UBE2E2: variants seen among roughly 807,000 people sequenced by gnomAD.
UBE2E2 encodes ubiquitin-conjugating enzyme E2 E2.
A neutral mutation model predicts 24.7 loss-of-function variants in UBE2E2; 6 were observed. The ratio of observed to expected loss-of-function variants is 0.24; its 90% confidence interval spans 0.13 to 0.48. UBE2E2 has a LOEUF of 0.48. Among genes scored for constraint, UBE2E2 ranks in the 20% least tolerant of loss-of-function variants. The probability of loss-of-function intolerance (pLI) is 0.99; values close to 1 mark genes in which losing one functional copy is unlikely to be tolerated. For synonymous variants in UBE2E2, 104 were observed against 83.6 expected (o/e 1.24, Z -1.33); for missense variants, 169 against 245.0 (o/e 0.69, Z 2.07).
At chr3:23,229,140 T>A (rs1018836160) in intron 3 of UBE2E2, among the ~76,000 whole-genome samples, 1 of 152,208 alleles carries the variant, frequency 6.6e-6, no homozygotes, top group African/African-American at 2.4e-5. Flanking sequence ...TCAGTATATC[T>A]GTGAATTAGT....
chr3:23,462,716 C>T (rs143765147), intron 3 of UBE2E2, among the ~76,000 whole-genome samples: 3 of 152,202 alleles, frequency 2.0e-5, no homozygotes, highest in East Asian at 1.9e-4. Flanking sequence ...GATGCCTTCC[C>T]GTCTCATCTT....
chr3:23,494,014 A>G (rs1699553208), intron 3 of UBE2E2, among the ~76,000 whole-genome samples: 1 of 152,202 alleles, frequency 6.6e-6, no homozygotes, highest in Admixed American at 6.5e-5. Flanking sequence ...TAAGACATAG[A>G]AAAATTACAC....
At chr3:23,328,810 C>T (rs564285955) in intron 3 of UBE2E2, among the ~76,000 whole-genome samples, 68 of 151,992 alleles carry the variant, frequency 4.5e-4, no homozygotes, top group African/African-American at 1.4e-3. Flanking sequence ...TACAGGTGCC[C>T]GCCACCATGC....
At chr3:23,523,323 G>A (rs1027450943) in intron 4 of UBE2E2, among the ~76,000 whole-genome samples, 8 of 152,166 alleles carry the variant, frequency 5.3e-5, no homozygotes, top group Non-Finnish European at 7.4e-5. Flanking sequence ...TTTGCTTCCC[G>A]TGATGGGGAA....
chr3:23,225,542 C>A (rs956808811), intron 3 of UBE2E2, among the ~76,000 whole-genome samples: 1 of 151,660 alleles, frequency 6.6e-6, no homozygotes, highest in Admixed American at 6.6e-5. Context: ...CAGCACCATT[C>A]GTTGAAAAGA....
At chr3:23,434,411 T>C (rs1044681417) in intron 3 of UBE2E2, among the ~76,000 whole-genome samples, 1 of 152,100 alleles carries the variant, frequency 6.6e-6, no homozygotes, top group African/African-American at 2.4e-5. Flanking sequence ...AATGACACAA[T>C]TGTGCATTAG....
intron 3 of UBE2E2, among the ~76,000 whole-genome samples, chr3:23,374,344 A>G (rs1226876485): frequency 1.3e-5 from 2 of 152,172 alleles, no homozygotes; most frequent in African/African-American, 2.4e-5. Flanking sequence ...CTTTTTTAAA[A>G]GACAGATTAT....
chr3:23,562,510 G>A (rs1377374036), intron 5 of UBE2E2, among the ~76,000 whole-genome samples: 1 of 152,120 alleles, frequency 6.6e-6, no homozygotes, highest in African/African-American at 2.4e-5. Flanking sequence ...TGTTCATCAG[G>A]GATATTGGTC....
intron 3 of UBE2E2, among the ~76,000 whole-genome samples, chr3:23,422,660 C>T (rs1697830210): frequency 6.6e-6 from 1 of 152,178 alleles, no homozygotes; most frequent in South Asian, 2.1e-4. Flanking sequence ...AGGTGGAAGA[C>T]AGATTTGACT....
chr3:23,579,993 T>C (rs140531582), intron 5 of UBE2E2, among the ~76,000 whole-genome samples: 26 of 152,298 alleles, frequency 1.7e-4, no homozygotes, highest in Non-Finnish European at 3.4e-4. Flanking sequence ...ATTAGAGTAG[T>C]ACCTGTAAAT....
rs182818372 is a variant in UBE2E2, at chr3:23,359,055, A to G, written c.228-140553A>G. Among the ~76,000 whole-genome samples, 944 of 152,344 alleles carry G rather than the reference A, an allele frequency of 6.2e-3. 13 individuals carry two copies. The highest frequency in any genetic ancestry group is 0.021 in the African/African-American group (870 of 41,576). ...ACAAGGGGATGATCATGAAGCAGCC[A>G]TGATCTGATCTCATTGCCGTTTTTG... On this transcript the variant is annotated intron_variant, in intron 3 of 5. Transcript: ENST00000396703.
chr3:23,333,214 T>C (rs1053280617), intron 3 of UBE2E2, among the ~76,000 whole-genome samples: 14 of 152,218 alleles, frequency 9.2e-5, no homozygotes, highest in Non-Finnish European at 1.3e-4. Flanking sequence ...CAGAGAGTCC[T>C]GAGCTTCTAG....
chr3:23,214,604 G>GTATAAATATAAATATAAATA (rs546500193), intron 2 of UBE2E2, among the ~76,000 whole-genome samples: 259 of 151,828 alleles, frequency 1.7e-3, no homozygotes, highest in African/African-American at 5.9e-3. Context: ...CTAAAGGGCA[G>GTATAAATATAAATATAAATA]TATAAATATA....
At chr3:23,446,024 G>GA (rs200959906) in intron 3 of UBE2E2, among the ~76,000 whole-genome samples, 3 of 151,696 alleles carry the variant, frequency 2.0e-5, no homozygotes, top group Non-Finnish European at 4.4e-5. Context: ...CTTAAACAGA[G>GA]AAAAAAAATA....
chr3:23,486,288 C>T (rs1277815352), intron 3 of UBE2E2, among the ~76,000 whole-genome samples: 1 of 152,196 alleles, frequency 6.6e-6, no homozygotes, highest in Non-Finnish European at 1.5e-5. Flanking sequence ...GAGGCTTCCA[C>T]TGCAGGCACC....
intron 3 of UBE2E2, among the ~76,000 whole-genome samples, chr3:23,303,104 G>T (rs1388313079): frequency 6.6e-6 from 1 of 152,080 alleles, no homozygotes; most frequent in Non-Finnish European, 1.5e-5. Flanking sequence ...TCTCATAGGA[G>T]CGCAAACTTT....
chr3:23,344,252 G>C (rs1695482947), intron 3 of UBE2E2, among the ~76,000 whole-genome samples: 1 of 151,940 alleles, frequency 6.6e-6, no homozygotes. Flanking sequence ...TTCATACTGA[G>C]GTCTCAGTCA....
chr3:23,229,006 TC>T (rs1696901626), intron 3 of UBE2E2, among the ~76,000 whole-genome samples: 1 of 152,088 alleles, frequency 6.6e-6, no homozygotes, highest in Non-Finnish European at 1.5e-5. Context: ...GAATCCAGCA[TC>T]CCCCTCCCAA....
intron 3 of UBE2E2, among the ~76,000 whole-genome samples, chr3:23,350,648 G>A (rs886750655): frequency 6.6e-6 from 1 of 152,134 alleles, no homozygotes; most frequent in Non-Finnish European, 1.5e-5. Flanking sequence ...GATGGAAGAC[G>A]AAATGAATGA....
Sources: gnomAD v4.1 joint callset for allele counts (sites outside exome capture counted in the v4.1 genomes callset) on GRCh38, gnomAD v4.1.1 for gene constraint, MANE v1.5 for transcripts, NCBI Gene and HGNC (gene_info 2026-07-23, HGNC 2026-07-21) for gene names.